DCLK3: variants seen among roughly 807,000 people sequenced by gnomAD.
DCLK3 encodes the protein serine/threonine-protein kinase DCLK3.
In DCLK3, 30 loss-of-function variants were observed where a neutral mutation model predicts 46.4. That is an observed-to-expected ratio of 0.65 (90% CI 0.48 to 0.88). The LOEUF (loss-of-function observed/expected upper bound fraction) is 0.88. DCLK3 is among the 40% of genes least tolerant of loss of function. The probability of loss-of-function intolerance (pLI) is 0.00; values close to 1 mark genes in which losing one functional copy is unlikely to be tolerated. For missense variants in DCLK3, 846 were observed against 907.1 expected, an observed-to-expected ratio of 0.93 and a Z score of 0.87; for synonymous variants, 401 against 339.2, an observed-to-expected ratio of 1.18 and a Z score of -2.00.
chr3:36,734,934 CT>C (rs1408141250), intron 2 of DCLK3, among the ~76,000 whole-genome samples: 3 of 152,226 alleles, frequency 2.0e-5, no homozygotes, highest in Non-Finnish European at 4.4e-5. Context: ...TGATAAATCC[CT>C]TCACACAAAT....
chr3:36,712,704 T>C lies in DCLK3; in HGVS notation c.*2624A>G, dbSNP rs1700925248. 6.6e-6 allele frequency: 1 copy of C among 152,222 alleles called. No homozygotes were observed. 9.4% of individuals were successfully genotyped at this position (152,222 alleles called of 1,614,324 possible). A position where few individuals can be genotyped will look rare whatever the true frequency, so the allele number is the denominator to read the frequency against. ...GTATGTAAATGAAATAATCAAAATG[T>C]AGTCTTTTTTTTCTTCTTTCATTCA... On this transcript the variant is annotated 3_prime_UTR_variant, in exon 5 of 5. Coordinates refer to ENST00000636136, the MANE Select transcript of DCLK3 (RefSeq NM_001394672.2).
Position 36,712,563 on chromosome 3 carries a change from CAA to C in DCLK3, c.*2763_*2764del, listed in dbSNP as rs1431463587. The C allele has an allele frequency of 6.6e-6, 1 of 152,180 alleles. No individual in the cohort carries two copies. Among genetic ancestry groups the C allele is most frequent in the Non-Finnish European group, 1.5e-5 (1 of 68,040 alleles). 9.4% of individuals were successfully genotyped at this position (152,180 alleles called of 1,614,324 possible). On this transcript the variant is annotated 3_prime_UTR_variant, in exon 5 of 5. Coordinates refer to ENST00000636136, the MANE Select transcript of DCLK3 (RefSeq NM_001394672.2). ...AGAAAATGAACACGTCCCTCTTCCC[CAA>C]AGTTACCAAGTGTTCCCTTGCAATC...
rs147957219 is a variant in DCLK3, at chr3:36,741,979, T to C, written c.83-2895A>G. Among the ~76,000 whole-genome samples the C allele has an allele frequency of 6.8e-3, 1,034 of 152,146 alleles. 12 individuals carry two copies. The highest frequency in any genetic ancestry group is 0.024 in the African/African-American group (980 of 41,498). ...AGAGGGATCCTCAGGGGAGAACCAA[T>C]AGGACAAAGGAACATTCAGTGAATA... On this transcript the variant is annotated intron_variant, in intron 1 of 4. Transcript: ENST00000636136.
chr3:36,728,924 C>A (rs2125525781), intron 2 of DCLK3, among the ~76,000 whole-genome samples: 1 of 152,274 alleles, frequency 6.6e-6, no homozygotes, highest in South Asian at 2.1e-4. Context: ...TGGACCAGCA[C>A]CATCAGCATC....
In DCLK3 at chr3:36,738,178, G is replaced by A; in HGVS notation, c.989C>T (p.Thr330Ile). ...SLERERLSLG[T>I]SELDMGKGPM... is the part of the protein sequence containing the mutation. ...GCCCTTCCCCATATCCAGCTCACTG[G>A]TCCCCAGAGAAAGCCTCTCACGCTC... The change falls in exon 2 of 5, where the codon ACC becomes ATC. Residue 330 changes from threonine to isoleucine, a missense_variant. Coordinates refer to ENST00000636136, the MANE Select transcript of DCLK3 (RefSeq NM_001394672.2). The A allele has an allele frequency of 6.2e-7, 1 of 1,613,800 alleles. No homozygotes were observed. The highest frequency in any genetic ancestry group is 1.1e-5 in the South Asian group (1 of 90,972).
intron 1 of DCLK3, among the ~76,000 whole-genome samples, chr3:36,762,020 A>G (rs956669113): frequency 1.3e-5 from 2 of 152,222 alleles, no homozygotes; most frequent in Non-Finnish European, 2.9e-5. Context: ...GAGAAGCCAG[A>G]AATGAGATCC....
At chr3:36,725,520 G>A (rs575239667) in intron 2 of DCLK3, among the ~76,000 whole-genome samples, 1 of 152,260 alleles carries the variant, frequency 6.6e-6, no homozygotes, top group Non-Finnish European at 1.5e-5. Context: ...GGGAGGCTGA[G>A]GTAGGAGGAT....
In DCLK3 at chr3:36,715,335, A is replaced by T; in HGVS notation, c.2447T>A (p.Val816Glu). The T allele has an allele frequency of 1.2e-6, 2 of 1,614,120 alleles. No individual in the cohort carries two copies. Residue 816 changes from valine to glutamate, a missense_variant, in exon 5 of 5, where the codon GTA (valine) becomes GAA (glutamate). Transcript: ENST00000636136. ...RSQHKRVVEQ[V>E]S Reference sequence around the variant, plus strand: ...AGATTCCCAAGGTGGTGACTATGATACCTGCTCCACAACCCTCTTGTGCTG... The same window carrying T: ...AGATTCCCAAGGTGGTGACTATGATTCCTGCTCCACAACCCTCTTGTGCTG...
Position 36,713,648 on chromosome 3 carries a change from C to T in DCLK3, c.*1680G>A, listed in dbSNP as rs1235658104. Reference sequence around the variant, plus strand: ...TTTCCCGAGAAGCCAACTCTAAAATCCAGATTAGCATCCAAAAGGCTTATT... The same window carrying T: ...TTTCCCGAGAAGCCAACTCTAAAATTCAGATTAGCATCCAAAAGGCTTATT... On this transcript the variant is annotated 3_prime_UTR_variant, in exon 5 of 5. Coordinates refer to ENST00000636136, the MANE Select transcript of DCLK3 (RefSeq NM_001394672.2). The T allele has an allele frequency of 5.3e-5, 8 of 152,186 alleles. No homozygotes were observed. Among genetic ancestry groups the T allele is most frequent in the Non-Finnish European group, 1.2e-4 (8 of 68,042 alleles). 9.4% of individuals were successfully genotyped at this position (152,186 alleles called of 1,614,324 possible). A position where few individuals can be genotyped will look rare whatever the true frequency, so the allele number is the denominator to read the frequency against.
intron 1 of DCLK3, among the ~76,000 whole-genome samples, chr3:36,742,297 T>C (rs1701351652): frequency 6.6e-6 from 1 of 152,126 alleles, no homozygotes; most frequent in Admixed American, 6.5e-5. Flanking sequence ...GGGGATGTGT[T>C]CTCTGGGATT....
chr3:36,739,672 C>T (rs1353319293), intron 1 of DCLK3: 1 of 152,358 alleles, frequency 6.6e-6, no homozygotes, highest in Admixed American at 6.5e-5. Context: ...AAACCTTTCT[C>T]TGCAAATTGC....
In DCLK3 at chr3:36,738,243, G is replaced by A. The variant is rs753188576; in HGVS notation, c.924C>T (p.Cys308=). The A allele has an allele frequency of 3.2e-6, 5 of 1,575,470 alleles. No homozygotes were observed. Among genetic ancestry groups the A allele is most frequent in the African/African-American group, 1.4e-5 (1 of 72,800 alleles). The change falls in exon 2 of 5, where the codon TGC becomes TGT. Residue 308 remains cysteine (C), a synonymous_variant. Transcript: ENST00000636136. ...IEKTSGEIIR[C]EKCKRERELQ... ...GCTCCCTCTCTCTCTTGCACTTCTC[G>A]CATCTGATAATTTCACCCGAGGTCT...
chr3:36,723,200 C>A (rs991285902), intron 2 of DCLK3, among the ~76,000 whole-genome samples: 1 of 152,114 alleles, frequency 6.6e-6, no homozygotes, highest in African/African-American at 2.4e-5. Flanking sequence ...ATTTATGGAA[C>A]TTTGAACTTG....
intron 4 of DCLK3, among the ~76,000 whole-genome samples, chr3:36,717,393 C>T (rs1398213858): frequency 6.6e-6 from 1 of 152,192 alleles, no homozygotes; most frequent in African/African-American, 2.4e-5. Flanking sequence ...AGCCACCACA[C>T]CCAGCCTCCT....
In DCLK3 at chr3:36,764,368, C is replaced by T; in HGVS notation, c.-105G>A. ...GAAGGCGGGGCGAGACGAGCAGCCA[C>T]GAGCCCGCGCCGACTCTCCCTCTTC... On this transcript the variant is annotated 5_prime_UTR_variant, in exon 1 of 5. It adds an upstream start codon to the 5' untranslated region. Transcript: ENST00000636136. The surrounding 1 kb of genome is among the most constrained non-coding windows in gnomAD (Gnocchi z 4.9). 1 of 185,574 alleles carries T rather than the reference C, an allele frequency of 5.4e-6. No homozygotes were observed. The highest frequency in any genetic ancestry group is 1.1e-5 in the Non-Finnish European group (1 of 90,566). The allele number at this position is 185,574 out of a possible 1,614,324, so 11.5% of individuals were successfully genotyped here.
At chr3:36,734,202 C>T (rs967185233) in intron 2 of DCLK3, among the ~76,000 whole-genome samples, 1 of 152,170 alleles carries the variant, frequency 6.6e-6, no homozygotes, top group Non-Finnish European at 1.5e-5. Context: ...TTAGAGATAA[C>T]ACCTTGCTAA....
At chr3:36,723,504 C>T (rs907857573) in intron 2 of DCLK3, among the ~76,000 whole-genome samples, 9 of 152,184 alleles carry the variant, frequency 5.9e-5, no homozygotes, top group Non-Finnish European at 1.2e-4. Flanking sequence ...CATCCTATCA[C>T]AGGTGTAGAG....
At chr3:36,716,081 A>G (rs1171263723) in intron 4 of DCLK3, among the ~76,000 whole-genome samples, 2 of 152,240 alleles carry the variant, frequency 1.3e-5, no homozygotes, top group African/African-American at 4.8e-5. Flanking sequence ...TCTAAAAAGT[A>G]AATAGTGCAA....
intron 2 of DCLK3, among the ~76,000 whole-genome samples, chr3:36,722,229 G>A (rs1448267890): frequency 6.6e-6 from 1 of 152,132 alleles, no homozygotes; most frequent in Non-Finnish European, 1.5e-5. Flanking sequence ...GGGAGATAGG[G>A]ACGGTTAATT....
Sources: allele counts gnomAD v4.1 joint callset (sites outside exome capture counted in the v4.1 genomes callset), GRCh38; gene constraint gnomAD v4.1.1; non-coding constraint Gnocchi (gnomAD v3.1); transcripts MANE v1.5; gene names NCBI Gene and HGNC (gene_info 2026-07-23, HGNC 2026-07-21).